PGBD1: variants seen among roughly 807,000 people sequenced by gnomAD.
PGBD1 encodes the protein piggyBac transposable element-derived protein 1.
In PGBD1, 25 loss-of-function variants were observed where a neutral mutation model predicts 34.7. That is an observed-to-expected ratio of 0.72 (90% confidence interval 0.52 to 1.00). The LOEUF (loss-of-function observed/expected upper bound fraction) is 1.00. Among genes scored for constraint, PGBD1 ranks in the 50% least tolerant of loss-of-function variants. The pLI, the probability that PGBD1 is intolerant of heterozygous loss-of-function variation, is 0.00. For synonymous variants in PGBD1, 292 were observed against 335.7 expected (o/e 0.87, Z 1.42); for missense variants, 830 against 959.4 (o/e 0.87, Z 1.78).
chr6:28,297,046 C>A (rs73385818), intron 5 of PGBD1, 101 bp downstream of exon 5: 16,296 of 1,286,882 alleles, frequency 0.013, 523 homozygotes, highest in African/African-American at 0.12. Context: ...CAGACCCACA[C>A]CCTTCCTTTC....
chr6:28,300,652 T>A lies in PGBD1; in HGVS notation c.870-72T>A. 1.4e-6 allele frequency: 2 copies of A among 1,465,928 alleles called. No individual in the cohort carries two copies. Among genetic ancestry groups the A allele is most frequent in the Non-Finnish European group, 1.8e-6 (2 of 1,088,416 alleles). 90.8% of individuals were successfully genotyped at this position (1,465,928 alleles called of 1,614,324 possible). Reference sequence around the variant, plus strand: ...ACCCCAAGCCCCAAAAGATTTAAGCTTCAGCAGATTTATCATGTGTGAGAG... The same window carrying A: ...ACCCCAAGCCCCAAAAGATTTAAGCATCAGCAGATTTATCATGTGTGAGAG... On this transcript the variant is annotated intron_variant, in intron 6 of 6. Transcript: ENST00000682144. This position sits in a 1 kb window ranked among gnomAD's most constrained non-coding sequence, Gnocchi z 4.0.
chr6:28,287,547 T>C (rs1316922794), intron 4 of PGBD1, among the ~76,000 whole-genome samples: 1 of 152,184 alleles, frequency 6.6e-6, no homozygotes, highest in Admixed American at 6.5e-5. Flanking sequence ...CTCACACTAC[T>C]TTATATTCAG....
intron 2 of PGBD1, among the ~76,000 whole-genome samples, chr6:28,285,230 A>T (rs569645349): frequency 6.6e-6 from 1 of 152,158 alleles, no homozygotes; most frequent in South Asian, 2.1e-4. Context: ...GTGCGTAGTG[A>T]TGATTTGTCC....
At position 28,302,437 on chromosome 6, in the gene PGBD1, G is replaced by A; in HGVS notation, c.*153G>A. On this transcript the variant is annotated 3_prime_UTR_variant, in exon 7 of 7. Coordinates refer to ENST00000682144, the MANE Select transcript of PGBD1 (RefSeq NM_032507.4). The stretch of plus-strand genomic sequence containing the variant: ...TCAGACATTTATATAGAGTTTCAAA[G>A]ACTATTGTAACAAGTAATGTTAAAA... 1.3e-6 allele frequency: 1 copy of A among 799,622 alleles called. No homozygotes were observed. The highest frequency in any genetic ancestry group is 1.9e-6 in the Non-Finnish European group (1 of 538,082). The allele number at this position is 799,622 out of a possible 1,614,324, so 49.5% of individuals were successfully genotyped here. A position where few individuals can be genotyped will look rare whatever the true frequency, so the allele number is the denominator to read the frequency against.
In PGBD1 at chr6:28,299,449, A is replaced by G. The variant is rs184752702; in HGVS notation, c.870-1275A>G. 1.1e-3 allele frequency among the ~76,000 whole-genome samples: 172 copies of G among 152,174 alleles called. 1 individual carries two copies. The highest frequency in any genetic ancestry group is 1.9e-3 in the Non-Finnish European group (130 of 68,012). On this transcript the variant is annotated intron_variant, in intron 6 of 6. Coordinates refer to ENST00000682144, the MANE Select transcript of PGBD1 (RefSeq NM_032507.4). Reference sequence around the variant, plus strand: ...TGGTTCTTAGAGTTTAGATGTCAACAGTAGAAAGACTCAGTGTGATCAAGG... The same window carrying G: ...TGGTTCTTAGAGTTTAGATGTCAACGGTAGAAAGACTCAGTGTGATCAAGG...
intron 1 of PGBD1, 25 bp from the exon 2 acceptor site, chr6:28,283,751 C>T: frequency 6.7e-7 from 1 of 1,496,794 alleles, no homozygotes; most frequent in Non-Finnish European, 8.9e-7. Context: ...ATTCTTATGC[C>T]TCAGATCTCT....
Position 28,301,241 on chromosome 6 carries a change from G to A in PGBD1, c.1387G>A (p.Val463Ile), listed in dbSNP as rs573346581. 18 of 1,614,154 alleles carry A rather than the reference G, an allele frequency of 1.1e-5. No individual in the cohort carries two copies. In the South Asian group the frequency reaches 1.9e-4, roughly 17 times the overall value. The change falls in exon 7 of 7, where the codon GTC becomes ATC. Residue 463 changes from valine to isoleucine, a missense_variant. Coordinates refer to ENST00000682144, the MANE Select transcript of PGBD1 (RefSeq NM_032507.4). ...TVQEMRCVFG[V>I]LLLSGFMRHP... ...TCAGGAAATGAGGTGTGTGTTTGGT[G>A]TCTTACTTTTGAGTGGATTTATGAG... is the stretch of plus-strand genomic sequence containing the variant.
At chr6:28,291,821 A>C (rs1309311004) in intron 4 of PGBD1, among the ~76,000 whole-genome samples, 1 of 152,202 alleles carries the variant, frequency 6.6e-6, no homozygotes, top group African/African-American at 2.4e-5. Flanking sequence ...TAAATGTGAT[A>C]TATCACATTA....
rs767565866 is a variant in PGBD1, at chr6:28,300,681, A to G, written c.870-43A>G. On this transcript the variant is annotated intron_variant, in intron 6 of 6. Transcript: ENST00000682144. The surrounding 1 kb of genome is among the most constrained non-coding windows in gnomAD (Gnocchi z 4.0). Reference sequence around the variant, plus strand: ...GCAGATTTATCATGTGTGAGAGAATATGATTGAGGATTTTTATAACATGTT... The same window carrying G: ...GCAGATTTATCATGTGTGAGAGAATGTGATTGAGGATTTTTATAACATGTT... 6.4e-7 allele frequency: 1 copy of G among 1,561,476 alleles called. No individual in the cohort carries two copies. Among genetic ancestry groups the G allele is most frequent in the Admixed American group, 1.9e-5 (1 of 52,218 alleles).
chr6:28,284,703 C>T (rs989355421), intron 2 of PGBD1, among the ~76,000 whole-genome samples: 24 of 152,046 alleles, frequency 1.6e-4, no homozygotes, highest in African/African-American at 5.5e-4. Context: ...TTTTTTGTAG[C>T]GGGGGTGGGG....
At chr6:28,294,045 G>A (rs1762552378) in intron 4 of PGBD1, among the ~76,000 whole-genome samples, 1 of 152,202 alleles carries the variant, frequency 6.6e-6, no homozygotes, top group African/African-American at 2.4e-5. Context: ...TGAATGCAAA[G>A]GAAATGTTCT....
intron 4 of PGBD1, among the ~76,000 whole-genome samples, chr6:28,289,647 C>T (rs959463337): frequency 3.3e-5 from 5 of 152,140 alleles, no homozygotes; most frequent in African/African-American, 1.2e-4. Flanking sequence ...TGCCTGTAAA[C>T]CCAGTTCTTT....
Position 28,301,413 on chromosome 6 carries a change from C to G in PGBD1, c.1559C>G (p.Thr520Arg). 1 of 1,613,966 alleles carries G rather than the reference C, an allele frequency of 6.2e-7. No individual in the cohort carries two copies. The change falls in exon 7 of 7, where the codon ACA (threonine) becomes AGA (arginine). Residue 520 changes from threonine to arginine, a missense_variant. Thr to Arg is a moderately conservative substitution (Grantham distance 71). Coordinates refer to ENST00000682144, the MANE Select transcript of PGBD1 (RefSeq NM_032507.4). ...CACCTAGATCAAAAAGATAAGTTTA[C>G]AAAGTTGAGACCTCTCATAAAACAA... ...NGHLDQKDKF[T>R]KLRPLIKQMN...
In PGBD1 at chr6:28,287,120, C is replaced by A. The variant is rs1480567453; in HGVS notation, c.594C>A (p.Asn198Lys). The A allele has an allele frequency of 8.7e-6, 14 of 1,613,930 alleles. No individual in the cohort carries two copies. The highest frequency in any genetic ancestry group is 1.3e-5 in the African/African-American group (1 of 74,894). ...GATCAGCTCATCTCCAGGAAAAAAA[C>A]CCCAGAGACAAGGCTGTAGTGCCTG... The part of the protein sequence containing the change: ...PHGSAHLQEK[N>K]PRDKAVVPVF... The change falls in exon 4 of 7, where the codon AAC (asparagine) becomes AAA (lysine). Residue 198 changes from asparagine to lysine, a missense_variant. This residue lies in a region of PGBD1 where 457 missense variants were observed against 515.4 expected (regional missense o/e 0.89). Transcript: ENST00000682144.
rs1762863293 is a variant in PGBD1, at chr6:28,302,021, A to G, written c.2167A>G (p.Ile723Val). Residue 723 changes from isoleucine to valine, a missense_variant, in exon 7 of 7, where the codon ATA (isoleucine) becomes GTA (valine). By Grantham distance (29) the Ile-to-Val change is conservative. Transcript: ENST00000682144. Reference sequence around the variant, plus strand: ...TGCTGATAACGAAGAAATCCCTCAGATAAGTCAACCATCCATAGTAAAAGT... The same window carrying G: ...TGCTGATAACGAAGAAATCCCTCAGGTAAGTCAACCATCCATAGTAAAAGT... ...CDADNEEIPQ[I>V]SQPSIVKVYD... is the part of the protein sequence containing the mutation. 6.2e-6 allele frequency: 10 copies of G among 1,614,206 alleles called. No homozygotes were observed. The highest frequency in any genetic ancestry group is 8.5e-6 in the Non-Finnish European group (10 of 1,180,030).
intron 4 of PGBD1, among the ~76,000 whole-genome samples, chr6:28,291,508 A>T (rs1762449670): frequency 6.6e-6 from 1 of 151,686 alleles, no homozygotes; most frequent in South Asian, 2.1e-4. Flanking sequence ...GAATTCTACC[A>T]AACATTTAAA....
intron 6 of PGBD1, among the ~76,000 whole-genome samples, chr6:28,298,841 G>A (rs1762736665): frequency 6.6e-6 from 1 of 152,126 alleles, no homozygotes; most frequent in South Asian, 2.1e-4. Context: ...TGCAGAAAGA[G>A]AGGGAACAAA....
intron 4 of PGBD1, among the ~76,000 whole-genome samples, chr6:28,290,072 A>C (rs1022759366): frequency 6.6e-6 from 1 of 152,176 alleles, no homozygotes; most frequent in East Asian, 1.9e-4. Context: ...ATACTATAAG[A>C]GAAAATCACT....
chr6:28,288,608 A>G (rs1762358135), intron 4 of PGBD1, among the ~76,000 whole-genome samples: 1 of 151,990 alleles, frequency 6.6e-6, no homozygotes, highest in Non-Finnish European at 1.5e-5. Flanking sequence ...GTAATCCCAG[A>G]ACTTTGGGAG....
Sources: allele counts gnomAD v4.1 joint callset (sites outside exome capture counted in the v4.1 genomes callset), GRCh38; gene constraint gnomAD v4.1.1; regional missense constraint gnomAD v4.1.1; non-coding constraint Gnocchi (gnomAD v3.1); transcripts MANE v1.5; gene names NCBI Gene and HGNC (gene_info 2026-07-23, HGNC 2026-07-21).